Variants in UFL1 observed in about 807,000 individuals in gnomAD.
UFL1 encodes UFM1 specific ligase 1.
UFL1 carries 78 observed loss-of-function variants against 99.3 expected under a neutral mutation model. The observed-to-expected ratio is 0.79, with a 90% confidence interval of 0.65 to 0.95. The LOEUF is 0.95. Among genes scored for constraint, UFL1 ranks in the 40% least tolerant of loss-of-function variants. The probability of loss-of-function intolerance (pLI) is 0.00; values close to 1 mark genes in which losing one functional copy is unlikely to be tolerated. For synonymous variants in UFL1, 335 were observed against 322.2 expected (o/e 1.04, Z -0.42); for missense variants, 936 against 937.0 (o/e 1.00, Z 0.01).
In UFL1 at chr6:96,551,919, G is replaced by A; in HGVS notation, c.1981G>A (p.Glu661Lys). The A allele has an allele frequency of 6.3e-7, 1 of 1,593,458 alleles. No individual in the cohort carries two copies. Among genetic ancestry groups the A allele is most frequent in the Non-Finnish European group, 8.6e-7 (1 of 1,164,758 alleles). Reference sequence around the variant, plus strand: ...GGTGAAAAGGGGAGACAAAAAAAGGGAAAGGTAACATTAAATTAATCTATA... The same window carrying A: ...GGTGAAAAGGGGAGACAAAAAAAGGAAAAGGTAACATTAAATTAATCTATA... ...IMVKRGDKKRERQILFQHRQA... is the reference protein window; with the variant it reads ...IMVKRGDKKRKRQILFQHRQA... Residue 661 changes from glutamate to lysine, a missense_variant, in exon 17 of 19, where the codon GAA (glutamate) becomes AAA (lysine). Coordinates refer to ENST00000369278, the MANE Select transcript of UFL1 (RefSeq NM_015323.5).
At chr6:96,545,202 G>A (rs1222578874) in intron 12 of UFL1, among the ~76,000 whole-genome samples, 1 of 150,830 alleles carries the variant, frequency 6.6e-6, no homozygotes, top group Non-Finnish European at 1.5e-5. Context: ...ATTGATTTTT[G>A]AGCCATTTTA....
At chr6:96,526,279 T>C in intron 4 of UFL1, 42 bp from the exon 5 acceptor site, 2 of 1,515,018 alleles carry the variant, frequency 1.3e-6, no homozygotes, top group Non-Finnish European at 1.8e-6. Context: ...GAAAAAACAT[T>C]CCTAATTCTT....
intron 1 of UFL1, among the ~76,000 whole-genome samples, chr6:96,522,346 C>A (rs1769627908): frequency 6.6e-6 from 1 of 152,144 alleles, no homozygotes; most frequent in South Asian, 2.1e-4. Flanking sequence ...GGCTAACCCC[C>A]GCCCCCAGTA....
intron 16 of UFL1, 65 bp from the exon 17 acceptor site, chr6:96,551,773 A>T: frequency 9.3e-7 from 1 of 1,072,576 alleles, no homozygotes; most frequent in Non-Finnish European, 1.4e-6. Context: ...AACAATTGTT[A>T]AATGGCTATA....
Position 96,553,478 on chromosome 6 carries a change from G to C in UFL1, c.2360G>C (p.Arg787Thr). 6 of 1,613,328 alleles carry C rather than the reference G, an allele frequency of 3.7e-6. No homozygotes were observed. The highest frequency in any genetic ancestry group is 5.1e-6 in the Non-Finnish European group (6 of 1,179,662). ...ATTAAAGACCTTGTTCTCAAATCTA[G>C]GAAATCATCTGTGACGGAAGAGTAA... The part of the protein sequence containing the change: ...SSIKDLVLKS[R>T]KSSVTEE Residue 787 changes from arginine to threonine, a missense_variant, in exon 19 of 19, where the codon AGG (arginine) becomes ACG (threonine). Coordinates refer to ENST00000369278, the MANE Select transcript of UFL1 (RefSeq NM_015323.5).
intron 16 of UFL1, 67 bp downstream of exon 16, chr6:96,551,580 T>C: frequency 8.9e-7 from 1 of 1,128,008 alleles, no homozygotes; most frequent in South Asian, 1.7e-5. Context: ...TTTGAGTAGA[T>C]TTTTTTATCA....
chr6:96,538,853 T>C lies in UFL1; in HGVS notation c.1158+43T>C, dbSNP rs190218225. ...TTATCTGCTAATCTTAATAATATTT[T>C]CAATTTAGAATCATCTGATGTCTTT... On this transcript the variant is annotated intron_variant, in intron 10 of 18. Coordinates refer to ENST00000369278, the MANE Select transcript of UFL1 (RefSeq NM_015323.5). 17 of 1,507,542 alleles carry C rather than the reference T, an allele frequency of 1.1e-5. No homozygotes were observed. The Admixed American group carries it at 2.9e-4, about 26-fold the overall frequency. The allele number at this position is 1,507,542 out of a possible 1,614,324, so 93.4% of individuals were successfully genotyped here.
intron 6 of UFL1, among the ~76,000 whole-genome samples, chr6:96,528,924 A>G (rs1475431903): frequency 3.3e-5 from 5 of 152,316 alleles, no homozygotes; most frequent in African/African-American, 1.2e-4. Flanking sequence ...AGATCAGTAT[A>G]TAAGTGTCAC....
intron 15 of UFL1, among the ~76,000 whole-genome samples, chr6:96,550,501 T>C (rs1489236830): frequency 6.6e-6 from 1 of 151,978 alleles, no homozygotes; most frequent in Non-Finnish European, 1.5e-5. Context: ...ACCAAATCAG[T>C]CTGATGTTTG....
intron 18 of UFL1, 151 bp downstream of exon 18, chr6:96,552,813 A>G: frequency 2.8e-6 from 2 of 707,224 alleles, no homozygotes; most frequent in Non-Finnish European, 4.3e-6. Flanking sequence ...TTAGGAGATT[A>G]ATTTTTTAAA....
At chr6:96,550,404 A>G (rs1254292317) in intron 15 of UFL1, among the ~76,000 whole-genome samples, 1 of 151,730 alleles carries the variant, frequency 6.6e-6, no homozygotes, top group Non-Finnish European at 1.5e-5. Context: ...CTCTAGGTCC[A>G]CTTCGAGTTG....
At chr6:96,544,427 A>T (rs1002061735) in intron 12 of UFL1, among the ~76,000 whole-genome samples, 1 of 150,984 alleles carries the variant, frequency 6.6e-6, no homozygotes, top group African/African-American at 2.4e-5. Flanking sequence ...TTTAAATGAT[A>T]ATAGATTGAG....
chr6:96,548,281 A>G lies in UFL1; in HGVS notation c.1520A>G (p.Lys507Arg), dbSNP rs181362854. ...FISELAEYLI[K>R]PLNKTYLEVV... ...TCGGAACTTGCTGAGTACTTAATAA[A>G]GCAAGTATAAAATGTATTTTTTCTG... Residue 507 changes from lysine to arginine, a missense_variant and splice_region_variant, in exon 13 of 19, where the codon AAA (lysine) becomes AGA (arginine). By Grantham distance (26) the Lys-to-Arg change is conservative. Coordinates refer to ENST00000369278, the MANE Select transcript of UFL1 (RefSeq NM_015323.5). The G allele has an allele frequency of 6.5e-7, 1 of 1,534,828 alleles. No individual in the cohort carries two copies. Among genetic ancestry groups the G allele is most frequent in the Admixed American group, 2.0e-5 (1 of 49,110 alleles).
chr6:96,524,525 A>G, intron 3 of UFL1, 115 bp downstream of exon 3: 1 of 721,092 alleles, frequency 1.4e-6, no homozygotes, highest in South Asian at 2.3e-5. Flanking sequence ...TTATAAAGAA[A>G]TAGTTATATA....
rs540789407 is a variant in UFL1 at position 96,542,635 on chromosome 6, G to A, written c.1280-259G>A. On this transcript the variant is annotated intron_variant, in intron 11 of 18. Transcript: ENST00000369278. Reference sequence around the variant, plus strand: ...CAGGAAAGAGGTGACGTTAGAGAAGGAGAAAGAGAATGCATTTAGAGCAGT... The same window carrying A: ...CAGGAAAGAGGTGACGTTAGAGAAGAAGAAAGAGAATGCATTTAGAGCAGT... Among the ~76,000 whole-genome samples the A allele has an allele frequency of 2.9e-3, 440 of 151,214 alleles. 1 individual carries two copies. The highest frequency in any genetic ancestry group is 0.01 in the African/African-American group (420 of 41,448).
chr6:96,540,479 A>G, intron 10 of UFL1, 56 bp from the exon 11 acceptor site: 1 of 1,561,244 alleles, frequency 6.4e-7, no homozygotes, highest in Non-Finnish European at 8.6e-7. Context: ...AACAACTTTT[A>G]TGCTTTTGGA....
intron 6 of UFL1, 54 bp downstream of exon 6, chr6:96,528,686 A>G (rs1769737524): frequency 6.6e-6 from 10 of 1,516,664 alleles, no homozygotes; most frequent in Non-Finnish European, 8.9e-6. Flanking sequence ...CATGGTTTGC[A>G]TTTTTTTCCT....
Position 96,554,854 on chromosome 6 carries a change from GA to G in UFL1, c.*1357del, listed in dbSNP as rs575138596. Reference sequence around the variant, plus strand: ...TTATATATTTTCATATGGGCAAAGGGAAAAAATGATAAATCCTCTGTAATCA... The same window carrying G: ...TTATATATTTTCATATGGGCAAAGGGAAAAATGATAAATCCTCTGTAATCA... On this transcript the variant is annotated 3_prime_UTR_variant, in exon 19 of 19. Transcript: ENST00000369278. 2.4e-4 allele frequency: 37 copies of G among 152,572 alleles called. No homozygotes were observed. The highest frequency in any genetic ancestry group is 8.2e-4 in the African/African-American group (34 of 41,536). The allele number at this position is 152,572 out of a possible 1,614,324, so 9.5% of individuals were successfully genotyped here.
rs369901492 is a variant in UFL1, at chr6:96,528,651, A to G, written c.596+19A>G. 21 of 1,582,836 alleles carry G rather than the reference A, an allele frequency of 1.3e-5. No homozygotes were observed. The African/African-American group carries it at 2.3e-4, about 17-fold the overall frequency. On this transcript the variant is annotated intron_variant, in intron 6 of 18. Transcript: ENST00000369278. ...TTACCCGGTAAGTATATTTTAAAGTATATATATTTGCACATTTCTTTGATC... is the reference window on the plus strand; with the variant it reads ...TTACCCGGTAAGTATATTTTAAAGTGTATATATTTGCACATTTCTTTGATC...
Sources: allele counts gnomAD v4.1 joint callset (sites outside exome capture counted in the v4.1 genomes callset), GRCh38; gene constraint gnomAD v4.1.1; transcripts MANE v1.5; gene names NCBI Gene and HGNC (gene_info 2026-07-23, HGNC 2026-07-21).